Variants in STIL observed in about 807,000 individuals in gnomAD.
STIL encodes STIL centriolar assembly protein.
Under a neutral mutation model 110.1 loss-of-function variants are expected in STIL, and 55 were observed. That is an observed-to-expected ratio of 0.50 (90% CI 0.40 to 0.63). The LOEUF (loss-of-function observed/expected upper bound fraction) is 0.63, where lower values mean the gene tolerates loss of function less well. Ranked by LOEUF, STIL falls within the 20% of genes least tolerant of loss-of-function variation. The pLI, the probability that STIL is intolerant of heterozygous loss-of-function variation, is 0.00. For synonymous variants in STIL, 481 were observed against 530.0 expected (o/e 0.91, Z 1.27); for missense variants, 1,358 against 1,530.0 (o/e 0.89, Z 1.87).
intron 10 of STIL, among the ~76,000 whole-genome samples, chr1:47,287,258 C>T (rs532009345): frequency 1.3e-5 from 2 of 152,058 alleles, no homozygotes; most frequent in South Asian, 4.1e-4. Context: ...AAGCACTAAA[C>T]AAAACAGGGA....
intron 5 of STIL, among the ~76,000 whole-genome samples, chr1:47,301,297 C>G (rs1570266553): frequency 6.6e-6 from 1 of 152,112 alleles, no homozygotes; most frequent in Non-Finnish European, 1.5e-5. Flanking sequence ...CCCACAAATT[C>G]AGCAAAAATG....
At chr1:47,313,042 T>C (rs1646180940) in intron 1 of STIL, 1 of 152,124 alleles carries the variant, frequency 6.6e-6, no homozygotes, top group Non-Finnish European at 1.5e-5. Flanking sequence ...CAATGGCTCA[T>C]GTCAGGGGCG....
At position 47,281,062 on chromosome 1, in the gene STIL, G is replaced by A; in HGVS notation, c.1396C>T (p.Gln466Ter). 6.2e-7 allele frequency: 1 copy of A among 1,614,104 alleles called. No individual in the cohort carries two copies. Among genetic ancestry groups the A allele is most frequent in the African/African-American group, 1.3e-5 (1 of 75,012 alleles). ...TGTTTCTCATCATAAAGCTGGGGTT[G>A]CAATGGCTTCAAGTGTTCCAAGTGG... ...INHLEHLKPL[Q>*]PQLYDEKHSP... The change falls in exon 12 of 17, where the codon CAA becomes TAA. Residue 466 changes from glutamine to a stop codon, truncating the protein, a stop_gained. Coordinates refer to ENST00000371877, the MANE Select transcript of STIL (RefSeq NM_001048166.1). LOFTEE classifies it high-confidence loss of function.
At chr1:47,305,612 TAG>T (rs1645934757) in intron 2 of STIL, among the ~76,000 whole-genome samples, 1 of 151,054 alleles carries the variant, frequency 6.6e-6, no homozygotes, top group African/African-American at 2.4e-5. Flanking sequence ...GTATTTTTAG[TAG>T]AGACAGGGTT....
At chr1:47,284,044 T>A (rs1230085358) in intron 10 of STIL, 3 of 152,186 alleles carry the variant, frequency 2.0e-5, no homozygotes, top group Admixed American at 2.0e-4. Context: ...ACTACAGGCA[T>A]GTGCCAGCAC....
At chr1:47,274,490 A>AT (rs1386684885) in intron 12 of STIL, among the ~76,000 whole-genome samples, 1 of 144,940 alleles carries the variant, frequency 6.9e-6, no homozygotes, top group East Asian at 2.0e-4. Context: ...AATTTTTTGT[A>AT]TTTTTTTTAG....
chr1:47,289,523 T>G lies in STIL; in HGVS notation c.935A>C (p.Glu312Ala), dbSNP rs750100801. Residue 312 changes from glutamate (E) to alanine (A), a missense_variant, in exon 9 of 17, where the codon GAG becomes GCG. Transcript: ENST00000371877. ...VLYSMTHKEP[E>A]FYECFPCDGK... is the part of the protein sequence containing the mutation. ...ATCACAAGGGAAGCATTCATAAAAC[T>G]CAGGTTCCTTATGTGTCATAGAATA... 6 of 1,613,818 alleles carry G rather than the reference T, an allele frequency of 3.7e-6. No homozygotes were observed. Among genetic ancestry groups the G allele is most frequent in the Non-Finnish European group, 4.2e-6 (5 of 1,179,732 alleles).
chr1:47,282,824 C>T (rs974477547), intron 10 of STIL: 1 of 211,156 alleles, frequency 4.7e-6, no homozygotes, highest in Non-Finnish European at 9.7e-6. Flanking sequence ...TTATTAAACA[C>T]ACTATATTAC....
At chr1:47,295,353 G>C (rs1331567919) in intron 7 of STIL, among the ~76,000 whole-genome samples, 3 of 152,052 alleles carry the variant, frequency 2.0e-5, no homozygotes, top group Non-Finnish European at 4.4e-5. Context: ...GCTGAGGCGG[G>C]TAAATCACTT....
chr1:47,308,912 C>A (rs556568784), intron 2 of STIL, among the ~76,000 whole-genome samples: 71 of 151,998 alleles, frequency 4.7e-4, no homozygotes, highest in African/African-American at 1.7e-3. Context: ...GTTAGCTGGG[C>A]ATGGTGGCGC....
Position 47,281,003 on chromosome 1 carries a change from C to G in STIL, c.1455G>C (p.Leu485Phe), listed in dbSNP as rs139912214. The G allele has an allele frequency of 2.1e-3, 3,349 of 1,614,076 alleles. 6 individuals carry two copies. Among genetic ancestry groups the G allele is most frequent in the Middle Eastern group, 4.8e-3 (29 of 6,060 alleles). ...SPEVEAGEPS[L>F]RGIPNQLNQD... ...GGTTTAACTGATTTGGTATTCCTCTCAAGGAAGGCTCTCCAGCTTCAACTT... is the reference window on the plus strand; with the variant it reads ...GGTTTAACTGATTTGGTATTCCTCTGAAGGAAGGCTCTCCAGCTTCAACTT... The change falls in exon 12 of 17, where the codon TTG (leucine) becomes TTC (phenylalanine). Residue 485 changes from leucine (L) to phenylalanine (F), a missense_variant. Transcript: ENST00000371877.
At chr1:47,269,282 C>A (rs1423006399) in intron 14 of STIL, among the ~76,000 whole-genome samples, 1 of 151,694 alleles carries the variant, frequency 6.6e-6, no homozygotes, top group Non-Finnish European at 1.5e-5. Flanking sequence ...ACATAGAAAT[C>A]ATATCAAGTA....
intron 8 of STIL, among the ~76,000 whole-genome samples, chr1:47,290,226 T>C (rs1184012784): frequency 6.6e-6 from 1 of 152,190 alleles, no homozygotes; most frequent in African/African-American, 2.4e-5. Flanking sequence ...GTGAATCTTT[T>C]CTAAACACGA....
intron 6 of STIL, among the ~76,000 whole-genome samples, chr1:47,299,392 A>G (rs1000006337): frequency 1.5e-5 from 2 of 130,992 alleles, no homozygotes; most frequent in East Asian, 4.6e-4. Flanking sequence ...ATGGCCACTC[A>G]GTTTTGTCTT....
rs886316579 is a variant in STIL at position 47,300,242 on chromosome 1, T to A, written c.454-90A>T. Reference sequence around the variant, plus strand: ...TTTTATACTGATACATATACATATATAATATCTTGCACAAATAAAATTAAA... The same window carrying A: ...TTTTATACTGATACATATACATATAAAATATCTTGCACAAATAAAATTAAA... On this transcript the variant is annotated intron_variant, in intron 5 of 16. Transcript: ENST00000371877. The A allele has an allele frequency of 8.9e-6, 11 of 1,242,642 alleles. No individual in the cohort carries two copies. In the Admixed American group the frequency reaches 2.7e-4, roughly 31 times the overall value. 77.0% of individuals were successfully genotyped at this position (1,242,642 alleles called of 1,614,324 possible). A position where few individuals can be genotyped will look rare whatever the true frequency, so the allele number is the denominator to read the frequency against.
intron 11 of STIL, among the ~76,000 whole-genome samples, chr1:47,281,624 G>GTAAAATCT (rs1645160570): frequency 6.6e-6 from 1 of 152,042 alleles, no homozygotes; most frequent in African/African-American, 2.4e-5. Context: ...ACCTTAAATA[G>GTAAAATCT]TAAAATCTTC....
chr1:47,284,789 C>G (rs1008593708), intron 10 of STIL, among the ~76,000 whole-genome samples: 5 of 151,858 alleles, frequency 3.3e-5, no homozygotes, highest in Non-Finnish European at 7.4e-5. Context: ...ACTTGGGAGG[C>G]TGAAGCAGGA....
intron 16 of STIL, among the ~76,000 whole-genome samples, chr1:47,253,627 C>G (rs1220065072): frequency 2.0e-5 from 3 of 152,140 alleles, no homozygotes; most frequent in Non-Finnish European, 4.4e-5. Flanking sequence ...GGCTCTGCAA[C>G]CACTCTTTTA....
At chr1:47,269,015 C>T (rs1008290102) in intron 14 of STIL, among the ~76,000 whole-genome samples, 6 of 150,194 alleles carry the variant, frequency 4.0e-5, no homozygotes, top group African/African-American at 1.2e-4. Flanking sequence ...GGCGTGAACC[C>T]GGGAGGTGGA....
Sources: gnomAD v4.1 joint callset for allele counts (sites outside exome capture counted in the v4.1 genomes callset) on GRCh38, gnomAD v4.1.1 for gene constraint, MANE v1.5 for transcripts, NCBI Gene and HGNC (gene_info 2026-07-23, HGNC 2026-07-21) for gene names.